The following DPP10 variants were observed in gnomAD, a reference collection of about 807,000 sequenced individuals.
DPP10 encodes the protein inactive dipeptidyl peptidase 10.
In DPP10, 33 loss-of-function variants were observed where a neutral mutation model predicts 120.9. The ratio of observed to expected loss-of-function variants is 0.27; its 90% CI spans 0.21 to 0.37. The LOEUF (loss-of-function observed/expected upper bound fraction) is 0.37. Among genes scored for constraint, DPP10 ranks in the 10% least tolerant of loss-of-function variants. The pLI is 1.00. For synonymous variants in DPP10, 337 were observed against 326.1 expected (o/e 1.03, Z -0.36); for missense variants, 816 against 942.8 (o/e 0.87, Z 1.76).
chr2:115,359,780 C>G (rs561500107), intron 3 of DPP10, among the ~76,000 whole-genome samples: 1 of 151,454 alleles, frequency 6.6e-6, no homozygotes, highest in East Asian at 1.9e-4. Context: ...TTTACATAAC[C>G]CTGTATTTCT....
intron 1 of DPP10, among the ~76,000 whole-genome samples, chr2:115,021,387 G>T (rs561131819): frequency 2.9e-4 from 44 of 151,992 alleles, no homozygotes; most frequent in South Asian, 2.7e-3. Flanking sequence ...TACTGTGAGT[G>T]CCTTTAAACA....
At chr2:115,559,624 C>T (rs1479467865) in intron 5 of DPP10, among the ~76,000 whole-genome samples, 1 of 151,802 alleles carries the variant, frequency 6.6e-6, no homozygotes, top group African/African-American at 2.4e-5. Flanking sequence ...TATTAATAAT[C>T]AAAGTTATTA....
chr2:115,510,140 G>A (rs534752623), intron 4 of DPP10, among the ~76,000 whole-genome samples: 1 of 152,108 alleles, frequency 6.6e-6, no homozygotes, highest in South Asian at 2.1e-4. Context: ...TTTCTCCCAG[G>A]TATGTTGTCT....
At chr2:115,824,701 T>C (rs1688142488) in intron 21 of DPP10, among the ~76,000 whole-genome samples, 1 of 151,774 alleles carries the variant, frequency 6.6e-6, no homozygotes, top group East Asian at 1.9e-4. Context: ...TATGCTACAT[T>C]TTCGTTATCC....
At chr2:115,260,299 G>A (rs1202606125) in intron 1 of DPP10, among the ~76,000 whole-genome samples, 1 of 151,928 alleles carries the variant, frequency 6.6e-6, no homozygotes, top group African/African-American at 2.4e-5. Context: ...GCTAGAAATG[G>A]GTTCAAATCA....
At chr2:115,705,776 CA>C (rs1311086425) in intron 7 of DPP10, among the ~76,000 whole-genome samples, 1 of 151,758 alleles carries the variant, frequency 6.6e-6, no homozygotes, top group East Asian at 1.9e-4. Flanking sequence ...TTATCTGAAA[CA>C]AAATCGAATG....
At chr2:115,421,901 A>G (rs2070005539) in intron 3 of DPP10, among the ~76,000 whole-genome samples, 1 of 145,396 alleles carries the variant, frequency 6.9e-6, no homozygotes, top group Non-Finnish European at 1.5e-5. Flanking sequence ...AAAAAAAGCA[A>G]GGATGTCAAA....
chr2:115,155,039 G>A (rs961477704), intron 1 of DPP10, among the ~76,000 whole-genome samples: 1 of 151,854 alleles, frequency 6.6e-6, no homozygotes, highest in African/African-American at 2.4e-5. Context: ...TTACAGTCAC[G>A]TACCACCACA....
chr2:115,664,904 A>G (rs1478354466), intron 5 of DPP10, among the ~76,000 whole-genome samples: 3 of 131,424 alleles, frequency 2.3e-5, no homozygotes, highest in Admixed American at 7.4e-5. Context: ...TTCACATTAA[A>G]TAAAATTATA....
intron 2 of DPP10, among the ~76,000 whole-genome samples, chr2:115,329,831 T>C (rs1044888511): frequency 1.3e-5 from 2 of 152,216 alleles, no homozygotes; most frequent in Non-Finnish European, 2.9e-5. Context: ...TAATCCAGTC[T>C]ATCATTGATG....
chr2:114,510,471 G>T (rs941523765), intron 1 of DPP10, among the ~76,000 whole-genome samples: 2 of 152,144 alleles, frequency 1.3e-5, no homozygotes, highest in East Asian at 1.9e-4. Context: ...GGGCATGGTT[G>T]TGTGTGCCAG....
At chr2:114,944,996 G>A (rs968163646) in intron 1 of DPP10, among the ~76,000 whole-genome samples, 1 of 152,170 alleles carries the variant, frequency 6.6e-6, no homozygotes, top group African/African-American at 2.4e-5. Flanking sequence ...GAAAAGGTTA[G>A]TCTCTTCAAC....
rs572536544 is a variant in DPP10, at chr2:115,518,167, C to G, written c.367-7731C>G. Among the ~76,000 whole-genome samples the G allele has an allele frequency of 2.5e-4, 38 of 152,266 alleles. No homozygotes were observed. In the South Asian group the frequency reaches 5.8e-3, roughly 23 times the overall value. On this transcript the variant is annotated intron_variant, in intron 4 of 25. Coordinates refer to ENST00000410059, the MANE Select transcript of DPP10 (RefSeq NM_020868.6). ...GAGGAAGCCTGTCCCATGACCTAAA[C>G]ACCTATCATTAGAGCCCCACCTCCA...
At chr2:114,688,010 T>C (rs1364477877) in intron 1 of DPP10, among the ~76,000 whole-genome samples, 1 of 152,034 alleles carries the variant, frequency 6.6e-6, no homozygotes, top group East Asian at 1.9e-4. Context: ...TTATAGATGA[T>C]AAATTTAGCA....
intron 1 of DPP10, among the ~76,000 whole-genome samples, chr2:115,178,747 G>T (rs2053877027): frequency 6.6e-6 from 1 of 152,172 alleles, no homozygotes; most frequent in Admixed American, 6.5e-5. Flanking sequence ...ATCTGTGCAT[G>T]TGTGTATGAA....
intron 5 of DPP10, among the ~76,000 whole-genome samples, chr2:115,650,461 A>G (rs141820838): frequency 9.0e-4 from 137 of 151,536 alleles, no homozygotes; most frequent in African/African-American, 2.9e-3. Context: ...TCATATTTTT[A>G]TAATTTTTGA....
At position 115,646,448 on chromosome 2, in the gene DPP10, GCAAC is replaced by G. The variant is rs1429419744; in HGVS notation, c.442-43238_442-43235del. On this transcript the variant is annotated intron_variant, in intron 5 of 25. Coordinates refer to ENST00000410059, the MANE Select transcript of DPP10 (RefSeq NM_020868.6). The stretch of plus-strand genomic sequence containing the variant: ...TACTTTAACAAAATTAAGAGATAAG[GCAAC>G]AAAGATCTAATACTGTAAGTCCCAC... Among the ~76,000 whole-genome samples, 3 of 152,160 alleles carry G rather than the reference GCAAC, an allele frequency of 2.0e-5. No homozygotes were observed. The East Asian group carries it at 5.8e-4, about 29-fold the overall frequency.
chr2:114,847,715 G>A (rs1277169703), intron 1 of DPP10, among the ~76,000 whole-genome samples: 1 of 152,104 alleles, frequency 6.6e-6, no homozygotes, highest in Admixed American at 6.6e-5. Flanking sequence ...CTTGATAAAA[G>A]TTTATCTGCA....
At chr2:114,997,271 C>A (rs1482017549) in intron 1 of DPP10, among the ~76,000 whole-genome samples, 1 of 148,460 alleles carries the variant, frequency 6.7e-6, no homozygotes, top group African/African-American at 2.5e-5. Flanking sequence ...GGGTGGATCA[C>A]GAGGTCAAAA....
Sources: gnomAD v4.1 joint callset for allele counts (sites outside exome capture counted in the v4.1 genomes callset) on GRCh38, gnomAD v4.1.1 for gene constraint, MANE v1.5 for transcripts, NCBI Gene and HGNC (gene_info 2026-07-23, HGNC 2026-07-21) for gene names.